The following GPT2 variants were observed in gnomAD, a reference collection of about 807,000 sequenced individuals.
The protein encoded by GPT2 is glutamic--pyruvic transaminase 2, also known as alanine aminotransferase 2.
A neutral mutation model predicts 56.9 loss-of-function variants in GPT2; 30 were observed. That is an observed-to-expected ratio of 0.53 (90% confidence interval 0.39 to 0.72). The LOEUF (loss-of-function observed/expected upper bound fraction) is 0.72. Among genes scored for constraint, GPT2 ranks in the 30% least tolerant of loss-of-function variants. The probability of loss-of-function intolerance (pLI) is 0.00; values close to 1 mark genes in which losing one functional copy is unlikely to be tolerated. For synonymous variants in GPT2, 271 were observed against 283.1 expected (o/e 0.96, Z 0.43); for missense variants, 542 against 703.4 (o/e 0.77, Z 2.60).
intron 10 of GPT2, among the ~76,000 whole-genome samples, chr16:46,926,450 A>G (rs74581788): frequency 6.8e-6 from 1 of 147,544 alleles, no homozygotes. Flanking sequence ...CTCTGTTGCA[A>G]AAAAAAAAAA....
chr16:46,916,776 A>G lies in GPT2; in HGVS notation c.900+69A>G, dbSNP rs1961176685. On this transcript the variant is annotated intron_variant, in intron 7 of 11. Coordinates refer to ENST00000340124, the MANE Select transcript of GPT2 (RefSeq NM_133443.4). ...TTCTAGAGGGAGGGACCCAGCCCCC[A>G]TTGTTCTGCAGCCAGAGAGAACTGT... The G allele has an allele frequency of 5.8e-6, 6 of 1,040,308 alleles. No individual in the cohort carries two copies. The Admixed American group carries it at 8.5e-5, about 15-fold the overall frequency. The allele number at this position is 1,040,308 out of a possible 1,614,324, so 64.4% of individuals were successfully genotyped here.
At chr16:46,920,440 A>G (rs1961263630) in intron 8 of GPT2, among the ~76,000 whole-genome samples, 2 of 152,236 alleles carry the variant, frequency 1.3e-5, no homozygotes, top group African/African-American at 2.4e-5. Context: ...TCATACGTAC[A>G]TGGAGTGAGG....
intron 1 of GPT2, 107 bp downstream of exon 1, chr16:46,884,574 C>A: frequency 9.2e-7 from 1 of 1,089,812 alleles, no homozygotes; most frequent in Non-Finnish European, 1.2e-6. Flanking sequence ...GGATGGGCAC[C>A]AGCGCCGAAG....
Position 46,900,786 on chromosome 16 carries a change from C to T in GPT2, c.438C>T (p.Ser146=). The change falls in exon 4 of 12, where the codon AGC becomes AGT. Residue 146 remains serine, a synonymous_variant. Coordinates refer to ENST00000340124, the MANE Select transcript of GPT2 (RefSeq NM_133443.4). ...RRILQACGGN[S]LGSYSASQGV... ...TCCTGCAGGCTTGTGGCGGGAACAG[C>T]CTGGGTGAGGCCCCAACTTGCCAGG... is the stretch of plus-strand genomic sequence containing the variant. The T allele has an allele frequency of 1.9e-6, 3 of 1,613,608 alleles. No individual in the cohort carries two copies. Among genetic ancestry groups the T allele is most frequent in the Non-Finnish European group, 2.5e-6 (3 of 1,179,676 alleles).
At chr16:46,894,184 G>A (rs143673608) in intron 2 of GPT2, among the ~76,000 whole-genome samples, 147 of 152,338 alleles carry the variant, frequency 9.6e-4, no homozygotes, top group African/African-American at 3.4e-3. Flanking sequence ...CGCGGCAGCG[G>A]CCCTGCATTG....
chr16:46,886,073 C>G (rs1960476712), intron 2 of GPT2, among the ~76,000 whole-genome samples: 1 of 152,130 alleles, frequency 6.6e-6, no homozygotes, highest in South Asian at 2.1e-4. Context: ...CTTGTTGAGA[C>G]ACTCAGTTCT....
Position 46,884,679 on chromosome 16 carries a change from C to T in GPT2, c.-22-15C>T, listed in dbSNP as rs914640481. 7 of 1,366,080 alleles carry T rather than the reference C, an allele frequency of 5.1e-6. No homozygotes were observed. The African/African-American group carries it at 6.0e-5, about 12-fold the overall frequency. 84.6% of individuals were successfully genotyped at this position (1,366,080 alleles called of 1,614,324 possible). A position where few individuals can be genotyped will look rare whatever the true frequency, so the allele number is the denominator to read the frequency against. On this transcript the variant is annotated splice_polypyrimidine_tract_variant and intron_variant, in intron 1 of 11. Transcript: ENST00000340124. Reference sequence around the variant, plus strand: ...AGTGCGCGACGTGTTTGTTCTTTTTCTCTTTTTGTGCCAGGGTTTCTCTCC... The same window carrying T: ...AGTGCGCGACGTGTTTGTTCTTTTTTTCTTTTTGTGCCAGGGTTTCTCTCC...
chr16:46,891,202 C>T (rs1960577663), intron 2 of GPT2, among the ~76,000 whole-genome samples: 1 of 151,884 alleles, frequency 6.6e-6, no homozygotes, highest in South Asian at 2.1e-4. Flanking sequence ...ATTATAGTCA[C>T]CATGCTGTAC....
intron 2 of GPT2, among the ~76,000 whole-genome samples, chr16:46,892,645 T>C (rs1484718548): frequency 6.6e-5 from 10 of 152,226 alleles, no homozygotes; most frequent in Non-Finnish European, 1.2e-4. Context: ...TGATATCTCA[T>C]TGTGGCTTTG....
chr16:46,917,773 CACAT>C (rs1411078546), intron 7 of GPT2, among the ~76,000 whole-genome samples: 3 of 152,218 alleles, frequency 2.0e-5, no homozygotes, highest in East Asian at 3.9e-4. Context: ...TAGACACACA[CACAT>C]ACATACACAC....
intron 7 of GPT2, 72 bp downstream of exon 7, chr16:46,916,779 G>A (rs575887234): frequency 1.9e-6 from 2 of 1,027,898 alleles, no homozygotes; most frequent in East Asian, 2.4e-5. Context: ...AGCCCCCATT[G>A]TTCTGCAGCC....
At chr16:46,897,151 G>A (rs993195590) in intron 2 of GPT2, among the ~76,000 whole-genome samples, 3 of 152,174 alleles carry the variant, frequency 2.0e-5, no homozygotes, top group African/African-American at 4.8e-5. Flanking sequence ...GGGAGGCTGC[G>A]GTGGGTGGAT....
chr16:46,924,663 C>T, intron 10 of GPT2, 119 bp downstream of exon 10: 4 of 1,007,166 alleles, frequency 4.0e-6, no homozygotes, highest in South Asian at 3.0e-5. Flanking sequence ...GAACTGTATG[C>T]ACCTCTCGGC....
At chr16:46,891,361 G>A (rs1015870638) in intron 2 of GPT2, among the ~76,000 whole-genome samples, 1 of 151,866 alleles carries the variant, frequency 6.6e-6, no homozygotes. Context: ...TCTTGCCTCA[G>A]CTTCCTGAGT....
At chr16:46,922,146 T>C in intron 8 of GPT2, 96 bp from the exon 9 acceptor site, 3 of 1,163,622 alleles carry the variant, frequency 2.6e-6, no homozygotes, top group Non-Finnish European at 3.7e-6. Context: ...CATTTGGTGT[T>C]GGGTGTGGGA....
chr16:46,927,080 C>T (rs1240434594), intron 11 of GPT2, 43 bp downstream of exon 11: 1 of 1,272,884 alleles, frequency 7.9e-7, no homozygotes, highest in Non-Finnish European at 1.1e-6. Context: ...CGGGTCTTGT[C>T]CAGGGAAATG....
chr16:46,917,029 T>C (rs1961182767), intron 7 of GPT2, among the ~76,000 whole-genome samples: 1 of 152,198 alleles, frequency 6.6e-6, no homozygotes, highest in South Asian at 2.1e-4. Context: ...TTTCAGGTCC[T>C]CTTTCCCTTT....
chr16:46,913,642 C>T (rs533643130), intron 6 of GPT2, among the ~76,000 whole-genome samples: 2 of 152,254 alleles, frequency 1.3e-5, no homozygotes, highest in South Asian at 2.1e-4. Context: ...TTACAAGGTA[C>T]GTGTGTATGT....
chr16:46,886,559 C>T (rs1960488147), intron 2 of GPT2, among the ~76,000 whole-genome samples: 1 of 152,146 alleles, frequency 6.6e-6, no homozygotes, highest in Non-Finnish European at 1.5e-5. Flanking sequence ...ACGTGAGAGC[C>T]TTCCAAGTGG....
Sources: gnomAD v4.1 joint callset for allele counts (sites outside exome capture counted in the v4.1 genomes callset) on GRCh38, gnomAD v4.1.1 for gene constraint, MANE v1.5 for transcripts, NCBI Gene and HGNC (gene_info 2026-07-23, HGNC 2026-07-21) for gene names.